The following CADM2 variants were observed in gnomAD, a reference collection of about 807,000 sequenced individuals.
CADM2 encodes the protein immunoglobulin superfamily member 4D.
CADM2 carries 12 observed loss-of-function variants against 49.8 expected under a neutral mutation model. The observed-to-expected ratio is 0.24, with a 90% CI of 0.15 to 0.39. The LOEUF is 0.39. CADM2 is among the 10% of genes least tolerant of loss of function. CADM2 has a pLI of 1.00. For synonymous variants in CADM2, 214 were observed against 175.4 expected, an observed-to-expected ratio of 1.22 and a Z score of -1.74; for missense variants, 378 against 492.3, an observed-to-expected ratio of 0.77 and a Z score of 2.20.
rs111231586 is a variant in CADM2 at position 85,192,388 on chromosome 3, T to C, written c.61+232720T>C. 2.1e-3 allele frequency among the ~76,000 whole-genome samples: 315 copies of C among 152,136 alleles called. 1 individual carries two copies. The highest frequency in any genetic ancestry group is 7.2e-3 in the African/African-American group (298 of 41,524). On this transcript the variant is annotated intron_variant, in intron 1 of 9. Coordinates refer to ENST00000383699, the MANE Select transcript of CADM2 (RefSeq NM_001167675.2). ...AGATAAAGACATATATTCTAGACCTTATTTTTAAAAAATTGTTCTCTTAGA... is the reference window on the plus strand; with the variant it reads ...AGATAAAGACATATATTCTAGACCTCATTTTTAAAAAATTGTTCTCTTAGA...
At chr3:86,011,292 AAAGT>A (rs1400808314) in intron 8 of CADM2, among the ~76,000 whole-genome samples, 9 of 152,180 alleles carry the variant, frequency 5.9e-5, no homozygotes. Flanking sequence ...TAATCTTTAA[AAAGT>A]AAGTTCATTC....
At chr3:85,987,960 T>G (rs1319226303) in intron 8 of CADM2, among the ~76,000 whole-genome samples, 1 of 152,108 alleles carries the variant, frequency 6.6e-6, no homozygotes, top group African/African-American at 2.4e-5. Flanking sequence ...GGCACTGCCC[T>G]TGCTTCTTTG....
intron 1 of CADM2, among the ~76,000 whole-genome samples, chr3:85,141,696 G>A (rs2039583401): frequency 6.6e-6 from 1 of 152,096 alleles, no homozygotes; most frequent in Non-Finnish European, 1.5e-5. Flanking sequence ...TATGTTAATG[G>A]AAATAGTATA....
intron 1 of CADM2, among the ~76,000 whole-genome samples, chr3:85,188,460 A>T (rs952199513): frequency 6.6e-6 from 1 of 152,104 alleles, no homozygotes; most frequent in Admixed American, 6.6e-5. Context: ...TTATTTCTGT[A>T]TTTGCTCAGT....
At chr3:85,269,697 A>G (rs2043194726) in intron 1 of CADM2, among the ~76,000 whole-genome samples, 1 of 151,348 alleles carries the variant, frequency 6.6e-6, no homozygotes, top group African/African-American at 2.4e-5. Flanking sequence ...TATGTGACAG[A>G]AAGACAATCA....
At chr3:85,836,925 T>C (rs2074434495) in intron 3 of CADM2, among the ~76,000 whole-genome samples, 2 of 151,628 alleles carry the variant, frequency 1.3e-5, no homozygotes, top group Non-Finnish European at 3.0e-5. Context: ...TCAGGTGGCT[T>C]CTAATTCACC....
chr3:85,202,606 A>G (rs999850406), intron 1 of CADM2, among the ~76,000 whole-genome samples: 6 of 152,188 alleles, frequency 3.9e-5, no homozygotes, highest in Non-Finnish European at 5.9e-5. Flanking sequence ...GAGTAGATTT[A>G]GTATAATTCT....
chr3:84,959,502 G>T lies in CADM2; in HGVS notation c.-106G>T. 8.9e-7 allele frequency: 1 copy of T among 1,124,550 alleles called. No individual in the cohort carries two copies. 69.7% of individuals were successfully genotyped at this position (1,124,550 alleles called of 1,614,324 possible). A position where few individuals can be genotyped will look rare whatever the true frequency, so the allele number is the denominator to read the frequency against. On this transcript the variant is annotated 5_prime_UTR_variant, in exon 1 of 10. Transcript: ENST00000383699. ...CGCAGCGGTGGGGACGGTGGGTCCG[G>T]CGGGCGCCGGGAGGAGGACACCAGC...
chr3:85,596,831 CT>C (rs1190711723), intron 1 of CADM2, among the ~76,000 whole-genome samples: 1 of 152,084 alleles, frequency 6.6e-6, no homozygotes, highest in Non-Finnish European at 1.5e-5. Flanking sequence ...ATCTCCCAAC[CT>C]TAGCCTCCCT....
intron 3 of CADM2, among the ~76,000 whole-genome samples, chr3:85,877,208 G>A (rs923533354): frequency 6.6e-6 from 1 of 152,052 alleles, no homozygotes; most frequent in African/African-American, 2.4e-5. Context: ...TAATAGCTCT[G>A]TGATATGTGA....
intron 1 of CADM2, among the ~76,000 whole-genome samples, chr3:85,708,272 C>CT (rs997625426): frequency 1.3e-4 from 20 of 151,798 alleles, no homozygotes; most frequent in Non-Finnish European, 2.2e-4. Context: ...CTATGTTTTT[C>CT]TTTTTTTTAA....
At chr3:85,823,643 A>G (rs1458472147) in intron 3 of CADM2, among the ~76,000 whole-genome samples, 1 of 152,150 alleles carries the variant, frequency 6.6e-6, no homozygotes, top group Non-Finnish European at 1.5e-5. Flanking sequence ...CAAAGTGTCT[A>G]TCAAATATTA....
At chr3:85,402,319 A>T (rs1416143461) in intron 1 of CADM2, among the ~76,000 whole-genome samples, 1 of 151,992 alleles carries the variant, frequency 6.6e-6, no homozygotes, top group Non-Finnish European at 1.5e-5. Context: ...TAAATATATA[A>T]GTTCTATTAT....
At chr3:86,062,180 A>T (rs1052472296) in intron 8 of CADM2, among the ~76,000 whole-genome samples, 3 of 152,186 alleles carry the variant, frequency 2.0e-5, no homozygotes, top group Non-Finnish European at 2.9e-5. Flanking sequence ...GTTCTGCAAG[A>T]TATTCAGCAA....
chr3:85,107,108 T>C (rs1451990670), intron 1 of CADM2, among the ~76,000 whole-genome samples: 1 of 152,154 alleles, frequency 6.6e-6, no homozygotes, highest in Non-Finnish European at 1.5e-5. Context: ...TGTCCCATTT[T>C]ACAAAGGTAT....
intron 1 of CADM2, among the ~76,000 whole-genome samples, chr3:85,413,138 C>CAAAAAAAAAAAAAAAAAAAAAAAAA (rs397973777): frequency 1.2e-4 from 2 of 17,126 alleles, no homozygotes; most frequent in African/African-American, 3.3e-4. Context: ...GACTCCGTCT[C>CAAAAAAAAAAAAAAAAAAAAAAAAA]AAAAAAAAAA....
At position 85,198,164 on chromosome 3, in the gene CADM2, A is replaced by G. The variant is rs151035122; in HGVS notation, c.61+238496A>G. On this transcript the variant is annotated intron_variant, in intron 1 of 9. Transcript: ENST00000383699. ...GTATTGAAACAAATTGGCCTAATTA[A>G]CAGAATTATAATTTTATAATTAGCA... Among the ~76,000 whole-genome samples, 728 of 151,978 alleles carry G rather than the reference A, an allele frequency of 4.8e-3. 7 individuals are homozygous for G. Among genetic ancestry groups the G allele is most frequent in the African/African-American group, 0.017 (705 of 41,546 alleles).
intron 1 of CADM2, among the ~76,000 whole-genome samples, chr3:85,537,315 A>C (rs1006764688): frequency 1.3e-5 from 2 of 152,094 alleles, no homozygotes; most frequent in African/African-American, 4.8e-5. Flanking sequence ...CTACCTTGGC[A>C]TATATTAGCA....
intron 1 of CADM2, among the ~76,000 whole-genome samples, chr3:85,240,104 T>A (rs2042496149): frequency 6.7e-6 from 1 of 150,070 alleles, no homozygotes; most frequent in African/African-American, 2.5e-5. Context: ...AATGTGCTAT[T>A]TACTTTGTTA....
Sources: gnomAD v4.1 joint callset for allele counts (sites outside exome capture counted in the v4.1 genomes callset) on GRCh38, gnomAD v4.1.1 for gene constraint, MANE v1.5 for transcripts, NCBI Gene and HGNC (gene_info 2026-07-23, HGNC 2026-07-21) for gene names.